Variants in PPP2R2C observed in about 807,000 individuals in gnomAD.
The protein encoded by PPP2R2C is protein phosphatase 2, regulatory subunit B, gamma.
A neutral mutation model predicts 45.3 loss-of-function variants in PPP2R2C; 10 were observed. The observed-to-expected ratio is 0.22, with a 90% CI of 0.14 to 0.37. The LOEUF (loss-of-function observed/expected upper bound fraction) is 0.37. Among genes scored for constraint, PPP2R2C ranks in the 10% least tolerant of loss-of-function variants. PPP2R2C has a pLI of 1.00. For missense variants in PPP2R2C, 308 were observed against 619.7 expected (o/e 0.50, Z 5.34); for synonymous variants, 257 against 245.4 (o/e 1.05, Z -0.44).
chr4:6,474,767 C>A (rs1722080131), upstream of PPP2R2C, among the ~76,000 whole-genome samples: 1 of 149,772 alleles, frequency 6.7e-6, no homozygotes, highest in Admixed American at 6.6e-5. Context: ...GTCTGGGCTC[C>A]TCCACACTGT....
chr4:6,362,610 C>T (rs1713892783), intron 5 of PPP2R2C, among the ~76,000 whole-genome samples: 1 of 152,234 alleles, frequency 6.6e-6, no homozygotes, highest in Non-Finnish European at 1.5e-5. Context: ...GGACACTTGG[C>T]TCAGAGGGGC....
In PPP2R2C at chr4:6,445,186, C is replaced by T. The variant is rs368701816; in HGVS notation, c.70+26974G>A. 4.0e-5 allele frequency among the ~76,000 whole-genome samples: 6 copies of T among 151,570 alleles called. No individual in the cohort carries two copies. In the South Asian group the frequency reaches 8.3e-4, roughly 21 times the overall value. ...CCTAGGTGACAGAGTGAGACCCTGTCTCAACAAAAGCAAAATAAAAACAAA... is the reference window on the plus strand; with the variant it reads ...CCTAGGTGACAGAGTGAGACCCTGTTTCAACAAAAGCAAAATAAAAACAAA... On this transcript the variant is annotated intron_variant, in intron 1 of 8. Coordinates refer to ENST00000382599, the MANE Select transcript of PPP2R2C (RefSeq NM_020416.4).
chr4:6,537,289 G>A (rs2108828419), intron 1 of PPP2R2C, among the ~76,000 whole-genome samples: 1 of 152,202 alleles, frequency 6.6e-6, no homozygotes, highest in Non-Finnish European at 1.5e-5. Flanking sequence ...ACACATAAAT[G>A]CTCATCAGTG....
chr4:6,419,664 T>A (rs1718838275), intron 1 of PPP2R2C, among the ~76,000 whole-genome samples: 2 of 152,160 alleles, frequency 1.3e-5, no homozygotes, highest in Admixed American at 1.3e-4. Flanking sequence ...AACATATTAC[T>A]ACACACAGAC....
intron 1 of PPP2R2C, among the ~76,000 whole-genome samples, chr4:6,553,743 C>T (rs1312018332): frequency 6.6e-6 from 1 of 152,194 alleles, no homozygotes; most frequent in Non-Finnish European, 1.5e-5. Flanking sequence ...GGCTGCCATG[C>T]TCAGTAGACC....
intron 1 of PPP2R2C, chr4:6,384,743 C>T: frequency 1.0e-6 from 1 of 985,480 alleles, no homozygotes; most frequent in Non-Finnish European, 1.2e-6. Context: ...TTCATATCTG[C>T]TACCTCCTTT....
chr4:6,412,869 C>G (rs1364607834), intron 1 of PPP2R2C, among the ~76,000 whole-genome samples: 1 of 152,226 alleles, frequency 6.6e-6, no homozygotes, highest in East Asian at 1.9e-4. Flanking sequence ...CCCCTTCCCC[C>G]ATGTGAGGAC....
At chr4:6,340,812 G>A (rs75863794) in intron 6 of PPP2R2C, among the ~76,000 whole-genome samples, 6,962 of 152,308 alleles carry the variant, frequency 0.046, 542 homozygotes, top group African/African-American at 0.16. Context: ...GAAACCCGAA[G>A]CTCTTGCTCT....
chr4:6,497,154 G>A (rs902248832), intron 2 of PPP2R2C, among the ~76,000 whole-genome samples: 2 of 152,128 alleles, frequency 1.3e-5, no homozygotes, highest in African/African-American at 2.4e-5. Flanking sequence ...ACAGCACCAT[G>A]AGCACCGGCA....
intron 1 of PPP2R2C, among the ~76,000 whole-genome samples, chr4:6,411,393 A>C (rs930102006): frequency 3.3e-5 from 5 of 152,096 alleles, no homozygotes; most frequent in Admixed American, 3.3e-4. Context: ...CCAGGCTGGC[A>C]CACAGCAGGA....
intron 3 of PPP2R2C, among the ~76,000 whole-genome samples, chr4:6,377,755 C>T (rs368186201): frequency 2.6e-5 from 4 of 152,064 alleles, no homozygotes; most frequent in African/African-American, 4.8e-5. Context: ...GGGCAGGGGG[C>T]GTGAGTGGGG....
intron 1 of PPP2R2C, among the ~76,000 whole-genome samples, chr4:6,454,613 T>C (rs1720917109): frequency 6.6e-6 from 1 of 152,056 alleles, no homozygotes; most frequent in Non-Finnish European, 1.5e-5. Context: ...GAGCAGAAGG[T>C]TTGCCCAGCC....
chr4:6,476,113 G>C (rs114686725), upstream of PPP2R2C, among the ~76,000 whole-genome samples: 1 of 152,160 alleles, frequency 6.6e-6, no homozygotes, highest in Non-Finnish European at 1.5e-5. Flanking sequence ...GTACATTTCT[G>C]TTGTTTACGC....
chr4:6,373,052 A>T (rs1714983058), intron 4 of PPP2R2C, among the ~76,000 whole-genome samples: 1 of 152,208 alleles, frequency 6.6e-6, no homozygotes, highest in African/African-American at 2.4e-5. Context: ...GTCACTGGGA[A>T]ACAGCTGTCT....
chr4:6,547,934 G>A (rs576040083), intron 1 of PPP2R2C, among the ~76,000 whole-genome samples: 16 of 152,096 alleles, frequency 1.1e-4, no homozygotes, highest in Non-Finnish European at 1.5e-5. Context: ...AAATCATAAT[G>A]GGGCCAGGCA....
At chr4:6,388,697 C>G (rs1356019185) in intron 1 of PPP2R2C, among the ~76,000 whole-genome samples, 1 of 152,100 alleles carries the variant, frequency 6.6e-6, no homozygotes, top group Non-Finnish European at 1.5e-5. Flanking sequence ...CTGGAAATGC[C>G]CGGAAATGCC....
chr4:6,486,487 C>A (rs1038638633), intron 2 of PPP2R2C, among the ~76,000 whole-genome samples: 5 of 152,028 alleles, frequency 3.3e-5, no homozygotes, highest in Admixed American at 1.3e-4. Flanking sequence ...AAACCTCCAA[C>A]TATAATTGTA....
intron 5 of PPP2R2C, among the ~76,000 whole-genome samples, chr4:6,358,090 A>G (rs940322191): frequency 4.6e-5 from 7 of 152,210 alleles, no homozygotes; most frequent in African/African-American, 1.7e-4. Flanking sequence ...AAACTATGCT[A>G]CAAAGCTACA....
At chr4:6,349,972 T>G in intron 5 of PPP2R2C, 1 of 985,390 alleles carries the variant, frequency 1.0e-6, no homozygotes, top group Non-Finnish European at 1.2e-6. Context: ...GGCTGATCTG[T>G]GCAGTCAGAA....
Sources: gnomAD v4.1 joint callset for allele counts (sites outside exome capture counted in the v4.1 genomes callset) on GRCh38, gnomAD v4.1.1 for gene constraint, MANE v1.5 for transcripts, NCBI Gene and HGNC (gene_info 2026-07-23, HGNC 2026-07-21) for gene names.